The following NSD2 variants were observed in gnomAD, a reference collection of about 807,000 sequenced individuals.
The protein encoded by NSD2 is nuclear receptor binding SET domain protein 2, also known as histone-lysine N-methyltransferase NSD2.
In NSD2, 12 loss-of-function variants were observed where a neutral mutation model predicts 139.0. The observed-to-expected ratio is 0.09, with a 90% confidence interval of 0.06 to 0.14. NSD2 has a LOEUF of 0.14. NSD2 is among the 10% of genes least tolerant of loss of function. The pLI, the probability that NSD2 is intolerant of heterozygous loss-of-function variation, is 1.00. For missense variants in NSD2, 1,155 were observed against 1,745.0 expected, an observed-to-expected ratio of 0.66 and a Z score of 6.02; for synonymous variants, 669 against 648.7, an observed-to-expected ratio of 1.03 and a Z score of -0.48.
intron 1 of NSD2, among the ~76,000 whole-genome samples, chr4:1,877,489 T>C (rs1714345988): frequency 6.6e-6 from 1 of 152,222 alleles, no homozygotes; most frequent in African/African-American, 2.4e-5. Context: ...TCTGGGCCTT[T>C]GTGTGGTCAA....
chr4:1,964,819 A>C (rs565465311), intron 18 of NSD2, among the ~76,000 whole-genome samples: 1 of 152,294 alleles, frequency 6.6e-6, no homozygotes, highest in Non-Finnish European at 1.5e-5. Context: ...AAATAAGAAA[A>C]TTTAGAAAAT....
chr4:1,921,247 C>T (rs1347703211), intron 5 of NSD2, among the ~76,000 whole-genome samples: 2 of 151,948 alleles, frequency 1.3e-5, no homozygotes, highest in African/African-American at 4.8e-5. Context: ...CACTTGAGGT[C>T]AGGAATTCAA....
At position 1,959,701 on chromosome 4, in the gene NSD2, C is replaced by T. The variant is rs763391826; in HGVS notation, c.3216C>T (p.Gly1072=). ...YPETKIIKTD[G]KGWGLVAKRD... ...AGACCAAGATCATCAAGACAGATGG[C>T]AAAGGGTGGGGCCTGGTCGCCAAGA... The change falls in exon 17 of 22, where the codon GGC becomes GGT. Residue 1072 remains glycine (G), a synonymous_variant. Coordinates refer to ENST00000508803, the MANE Select transcript of NSD2 (RefSeq NM_001042424.3). 6.2e-7 allele frequency: 1 copy of T among 1,613,994 alleles called. No homozygotes were observed. The highest frequency in any genetic ancestry group is 8.5e-7 in the Non-Finnish European group (1 of 1,179,938).
At chr4:1,975,690 A>G in intron 20 of NSD2, 1 of 327,582 alleles carries the variant, frequency 3.1e-6, no homozygotes, top group Middle Eastern at 8.9e-4. Flanking sequence ...GTTCCTTGGG[A>G]GGCTCTTTCC....
In NSD2 at chr4:1,900,650, G is replaced by C; in HGVS notation, c.-5G>C. The C allele has an allele frequency of 1.9e-6, 3 of 1,565,308 alleles. No individual in the cohort carries two copies. Among genetic ancestry groups the C allele is most frequent in the Non-Finnish European group, 2.6e-6 (3 of 1,155,716 alleles). Reference sequence around the variant, plus strand: ...GTGTTCTAAGAACGGAAGCATCTGGGCTGGATGGAATTTAGCATCAAGCAG... The same window carrying C: ...GTGTTCTAAGAACGGAAGCATCTGGCCTGGATGGAATTTAGCATCAAGCAG... On this transcript the variant is annotated 5_prime_UTR_variant, in exon 2 of 22. Coordinates refer to ENST00000508803, the MANE Select transcript of NSD2 (RefSeq NM_001042424.3).
At chr4:1,965,242 A>G (rs911646873) in intron 18 of NSD2, among the ~76,000 whole-genome samples, 3 of 152,162 alleles carry the variant, frequency 2.0e-5, no homozygotes, top group African/African-American at 4.8e-5. Flanking sequence ...AGTCAAGAAA[A>G]TCATGCATGA....
chr4:1,949,983 GCAAA>G, intron 9 of NSD2, among the ~76,000 whole-genome samples: 1 of 152,244 alleles, frequency 6.6e-6, no homozygotes, highest in East Asian at 1.9e-4. Flanking sequence ...GTGTTCATTG[GCAAA>G]CAGCAAGCCG....
At position 1,951,137 on chromosome 4, in the gene NSD2, T is replaced by C. The variant is rs1408777460; in HGVS notation, c.1947T>C (p.Thr649=). The change falls in exon 10 of 22, where the codon ACT becomes ACC. Residue 649 remains threonine (T), a synonymous_variant. Transcript: ENST00000508803. ...ACGAAAGTGCAGACGAAACACAAAC[T>C]GAAGTATCTGTCTCATCCAAAAAGT... is the stretch of plus-strand genomic sequence containing the variant. ...SPYESADETQ[T]EVSVSSKKSE... The C allele has an allele frequency of 6.2e-7, 1 of 1,614,162 alleles. No homozygotes were observed. The highest frequency in any genetic ancestry group is 1.7e-5 in the Admixed American group (1 of 60,028).
At chr4:1,873,976 G>A (rs542247014) in intron 1 of NSD2, among the ~76,000 whole-genome samples, 1 of 152,100 alleles carries the variant, frequency 6.6e-6, no homozygotes, top group Non-Finnish European at 1.5e-5. Flanking sequence ...TGATTCTCCC[G>A]CCTCAGCCTC....
chr4:1,954,511 G>A (rs866108618), intron 12 of NSD2: 2 of 151,978 alleles, frequency 1.3e-5, no homozygotes, highest in African/African-American at 4.8e-5. Flanking sequence ...CACGACGCCT[G>A]GCTAATTTTG....
intron 9 of NSD2, chr4:1,946,770 T>C: frequency 9.5e-7 from 1 of 1,049,982 alleles, no homozygotes; most frequent in Non-Finnish European, 1.2e-6. Flanking sequence ...ATCTGATTCC[T>C]ATACTGGATG....
intron 9 of NSD2, chr4:1,940,598 C>T (rs763898184): frequency 1.8e-4 from 194 of 1,063,052 alleles, no homozygotes; most frequent in East Asian, 2.5e-4. Flanking sequence ...TTTGGTTCTC[C>T]GTGATGCTGT....
intron 1 of NSD2, among the ~76,000 whole-genome samples, chr4:1,885,058 C>A (rs997977196): frequency 6.6e-6 from 1 of 150,932 alleles, no homozygotes; most frequent in Non-Finnish European, 1.5e-5. Context: ...TGCAGTGAGC[C>A]GAGATCATGC....
chr4:1,918,494 A>G lies in NSD2; in HGVS notation c.1281A>G (p.Ala427=), dbSNP rs376545978. The G allele has an allele frequency of 5.6e-6, 9 of 1,613,964 alleles. No individual in the cohort carries two copies. The African/African-American group carries it at 1.2e-4, about 22-fold the overall frequency. Reference sequence around the variant, plus strand: ...GGAAGAGTACTCCTCAAAAGACGGCAGAGGCTGACCCCAGAAGAGGAGTAG... The same window carrying G: ...GGAAGAGTACTCCTCAAAAGACGGCGGAGGCTGACCCCAGAAGAGGAGTAG... ...DIGKSTPQKT[A]EADPRRGVGS... Residue 427 remains alanine (A), a synonymous_variant, in exon 5 of 22, where the codon GCA becomes GCG. Coordinates refer to ENST00000508803, the MANE Select transcript of NSD2 (RefSeq NM_001042424.3).
rs1727097121 is a variant in NSD2 at position 1,976,528 on chromosome 4, G to C, written c.3675G>C (p.Thr1225=). The stretch of plus-strand genomic sequence containing the variant: ...AGGGCAAAAAGACCAAGAAGAAAAC[G>C]AGGCGGCGCAGAGCAAAAGGGGAAG... The part of the protein sequence containing the change: ...EEKGKKTKKK[T]RRRRAKGEGK... The change falls in exon 21 of 22, where the codon ACG becomes ACC. Residue 1225 remains threonine (T), a synonymous_variant. Coordinates refer to ENST00000508803, the MANE Select transcript of NSD2 (RefSeq NM_001042424.3). The surrounding 1 kb of genome is among the most constrained non-coding windows in gnomAD (Gnocchi z 5.3). 3.7e-6 allele frequency: 6 copies of C among 1,613,974 alleles called. No individual in the cohort carries two copies. In the South Asian group the frequency reaches 4.4e-5, roughly 12 times the overall value.
At position 1,954,282 on chromosome 4, in the gene NSD2, G is replaced by A. The variant is rs562746401; in HGVS notation, c.2338+758G>A. 3.3e-5 allele frequency among the ~76,000 whole-genome samples: 5 copies of A among 151,830 alleles called. No individual in the cohort carries two copies. In the South Asian group the frequency reaches 1.0e-3, roughly 32 times the overall value. On this transcript the variant is annotated intron_variant, in intron 12 of 21. Transcript: ENST00000508803. ...TTACAGGTATGAGCCACCACGCCTT[G>A]CCAATTTTTGTATTTTTTTGTAGAG... is the stretch of plus-strand genomic sequence containing the variant.
intron 5 of NSD2, among the ~76,000 whole-genome samples, chr4:1,927,310 G>A (rs1721042480): frequency 6.6e-6 from 1 of 152,208 alleles, no homozygotes; most frequent in African/African-American, 2.4e-5. Flanking sequence ...GTAAGCAGTA[G>A]TGGGGGCTTG....
intron 1 of NSD2, among the ~76,000 whole-genome samples, chr4:1,898,201 C>G (rs985254111): frequency 2.0e-5 from 3 of 152,172 alleles, no homozygotes; most frequent in Non-Finnish European, 2.9e-5. Flanking sequence ...ATCCTCCTGC[C>G]TCAGCCTCCT....
At chr4:1,886,023 C>G (rs1374330534) in intron 1 of NSD2, among the ~76,000 whole-genome samples, 2 of 152,170 alleles carry the variant, frequency 1.3e-5, no homozygotes, top group Non-Finnish European at 2.9e-5. Flanking sequence ...AGGATACATA[C>G]AACTCTGCTC....
Sources: allele counts gnomAD v4.1 joint callset (sites outside exome capture counted in the v4.1 genomes callset), GRCh38; gene constraint gnomAD v4.1.1; non-coding constraint Gnocchi (gnomAD v3.1); transcripts MANE v1.5; gene names NCBI Gene and HGNC (gene_info 2026-07-23, HGNC 2026-07-21).